PDZD2: variants seen among roughly 807,000 people sequenced by gnomAD.
PDZD2 encodes PDZ domain containing 2.
Under a neutral mutation model 220.7 loss-of-function variants are expected in PDZD2, and 90 were observed. The ratio of observed to expected loss-of-function variants is 0.41; its 90% CI spans 0.34 to 0.49. The LOEUF (loss-of-function observed/expected upper bound fraction) is 0.49, where lower values mean the gene tolerates loss of function less well. PDZD2 is among the 20% of genes least tolerant of loss of function. The pLI is 0.28. For missense variants in PDZD2, 3,174 were observed against 3,608.5 expected (o/e 0.88, Z 3.08); for synonymous variants, 1,375 against 1,450.5 (o/e 0.95, Z 1.18).
At chr5:32,018,273 C>T (rs1753927106) in intron 6 of PDZD2, among the ~76,000 whole-genome samples, 1 of 152,148 alleles carries the variant, frequency 6.6e-6, no homozygotes, top group Non-Finnish European at 1.5e-5. Context: ...TTCTGAAGCT[C>T]AGTGAGATTA....
intron 2 of PDZD2, among the ~76,000 whole-genome samples, chr5:31,849,044 A>G (rs1394235980): frequency 3.3e-5 from 5 of 152,154 alleles, no homozygotes; most frequent in Non-Finnish European, 7.4e-5. Context: ...GCGAGACTCC[A>G]TCTCAGAAAA....
intron 1 of PDZD2, among the ~76,000 whole-genome samples, chr5:31,767,923 A>G (rs1580716693): frequency 6.6e-6 from 1 of 152,158 alleles, no homozygotes; most frequent in Non-Finnish European, 1.5e-5. Context: ...ATTTTTTGGT[A>G]ACATACTTGA....
chr5:31,925,476 G>T (rs1320843385), intron 2 of PDZD2, among the ~76,000 whole-genome samples: 1 of 152,126 alleles, frequency 6.6e-6, no homozygotes, highest in African/African-American at 2.4e-5. Context: ...ATGGACTAAA[G>T]ATTTAAATGT....
chr5:31,856,425 A>G (rs1343875328), intron 2 of PDZD2, among the ~76,000 whole-genome samples: 1 of 151,300 alleles, frequency 6.6e-6, no homozygotes, highest in East Asian at 1.9e-4. Context: ...AAACAAAAGA[A>G]ACAAGAAAGG....
chr5:32,037,540 A>G (rs1755655148), intron 7 of PDZD2, among the ~76,000 whole-genome samples, 198 bp downstream of exon 7: 1 of 152,172 alleles, frequency 6.6e-6, no homozygotes, highest in Non-Finnish European at 1.5e-5. Flanking sequence ...TTTTTGAGTC[A>G]TAACAAAGTG....
intron 2 of PDZD2, among the ~76,000 whole-genome samples, chr5:31,890,927 C>G (rs1740969094): frequency 6.6e-6 from 1 of 152,060 alleles, no homozygotes; most frequent in Admixed American, 6.6e-5. Flanking sequence ...AAGGCCAGAC[C>G]CCAGGACAAA....
intron 1 of PDZD2, among the ~76,000 whole-genome samples, chr5:31,660,124 C>T (rs1329276523): frequency 6.6e-6 from 1 of 152,138 alleles, no homozygotes; most frequent in African/African-American, 2.4e-5. Flanking sequence ...GTGTTACAGA[C>T]AAATTTCAAT....
At position 32,048,551 on chromosome 5, in the gene PDZD2, G is replaced by T; in HGVS notation, c.1532G>T (p.Arg511Leu). 6 of 1,613,092 alleles carry T rather than the reference G, an allele frequency of 3.7e-6. No individual in the cohort carries two copies. Among genetic ancestry groups the T allele is most frequent in the Non-Finnish European group, 5.1e-6 (6 of 1,179,138 alleles). The part of the protein sequence containing the change: ...LKSRLSGGVH[R>L]LESVEEYNEL... ...CTGTTTTCTCAAGGGGGTGTACACC[G>T]CCTTGAGTCAGTTGAAGAATATAAC... Residue 511 changes from arginine to leucine, a missense_variant, in exon 8 of 25, where the codon CGC (arginine) becomes CTC (leucine). This residue lies in a region of PDZD2 where 632 missense variants were observed against 708.1 expected (regional missense o/e 0.89). Coordinates refer to ENST00000438447, the MANE Select transcript of PDZD2 (RefSeq NM_178140.4).
At position 32,033,406 on chromosome 5, in the gene PDZD2, A is replaced by G. The variant is rs189588057; in HGVS notation, c.1408-3825A>G. Among the ~76,000 whole-genome samples, 3 of 152,358 alleles carry G rather than the reference A, an allele frequency of 2.0e-5. No individual in the cohort carries two copies. The East Asian group carries it at 5.8e-4, about 29-fold the overall frequency. On this transcript the variant is annotated intron_variant, in intron 6 of 24. Transcript: ENST00000438447. Reference sequence around the variant, plus strand: ...GAGTTACAAGTCGTCTAATATCACAACAAACTCAACGAAAAAACAGTTTTT... The same window carrying G: ...GAGTTACAAGTCGTCTAATATCACAGCAAACTCAACGAAAAAACAGTTTTT...
At chr5:31,670,716 C>A (rs534066695) in intron 1 of PDZD2, among the ~76,000 whole-genome samples, 1 of 152,082 alleles carries the variant, frequency 6.6e-6, no homozygotes, top group Non-Finnish European at 1.5e-5. Context: ...CCACCGCGCC[C>A]GGCCAGTTTG....
At chr5:32,004,824 G>T (rs1752675767) in intron 5 of PDZD2, among the ~76,000 whole-genome samples, 2 of 152,238 alleles carry the variant, frequency 1.3e-5, no homozygotes, top group African/African-American at 2.4e-5. Flanking sequence ...ACGCTTGCTT[G>T]GGTCCTCGTG....
In PDZD2 at chr5:32,022,523, T is replaced by C. The variant is rs187395722; in HGVS notation, c.1407+12041T>C. ...CACCCAGCCATTTCTGTACTTTTCA[T>C]AGTCCCCTTTTCAGCATAATGAATC... is the stretch of plus-strand genomic sequence containing the variant. On this transcript the variant is annotated intron_variant, in intron 6 of 24. Transcript: ENST00000438447. 2.0e-4 allele frequency among the ~76,000 whole-genome samples: 30 copies of C among 152,136 alleles called. No homozygotes were observed. The East Asian group carries it at 5.4e-3, about 27-fold the overall frequency.
At chr5:31,894,861 T>C (rs1561549408) in intron 2 of PDZD2, among the ~76,000 whole-genome samples, 1 of 152,166 alleles carries the variant, frequency 6.6e-6, no homozygotes, top group Non-Finnish European at 1.5e-5. Flanking sequence ...TTCTCAATCT[T>C]GTCCCAGTCT....
At position 31,642,867 on chromosome 5, in the gene PDZD2, C is replaced by T. The variant is rs551372046; in HGVS notation, c.-361+3430C>T. 7.2e-5 allele frequency among the ~76,000 whole-genome samples: 11 copies of T among 152,226 alleles called. No homozygotes were observed. In the South Asian group the frequency reaches 1.9e-3, roughly 26 times the overall value. On this transcript the variant is annotated intron_variant, in intron 1 of 24. Coordinates refer to ENST00000438447, the MANE Select transcript of PDZD2 (RefSeq NM_178140.4). ...AGCTGGGGCCTGGAGGAAAGGGCTG[C>T]GGTACTGCTGCCTGCCAGGGGAAGC...
At chr5:32,104,735 A>AT (rs1312681262) in intron 24 of PDZD2, among the ~76,000 whole-genome samples, 4 of 149,306 alleles carry the variant, frequency 2.7e-5, no homozygotes, top group Non-Finnish European at 5.9e-5. Context: ...AAAAAAAAAA[A>AT]AAAAAAAAAA....
chr5:31,787,790 C>A (rs1753464572), intron 1 of PDZD2: 1 of 152,132 alleles, frequency 6.6e-6, no homozygotes, highest in African/African-American at 2.4e-5. Flanking sequence ...CTCTCTCATC[C>A]CCTAAAACCT....
chr5:31,962,480 A>T (rs1748335475), intron 2 of PDZD2, among the ~76,000 whole-genome samples: 1 of 87,248 alleles, frequency 1.1e-5, no homozygotes, highest in South Asian at 4.1e-4. Flanking sequence ...ATGTCTGCAG[A>T]GAGTCAGGGT....
intron 1 of PDZD2, among the ~76,000 whole-genome samples, chr5:31,697,498 G>T (rs566950120): frequency 1.3e-5 from 2 of 152,258 alleles, no homozygotes; most frequent in South Asian, 4.1e-4. Context: ...AAATCGGAAA[G>T]AACATAAAGA....
chr5:32,048,471 G>A (rs1738193936), intron 7 of PDZD2, 68 bp from the exon 8 acceptor site: 4 of 1,326,622 alleles, frequency 3.0e-6, no homozygotes, highest in Non-Finnish European at 4.3e-6. Flanking sequence ...ATGAGTTTAT[G>A]CCTCTGGATG....
Sources: allele counts gnomAD v4.1 joint callset (sites outside exome capture counted in the v4.1 genomes callset), GRCh38; gene constraint gnomAD v4.1.1; regional missense constraint gnomAD v4.1.1; transcripts MANE v1.5; gene names NCBI Gene and HGNC (gene_info 2026-07-23, HGNC 2026-07-21).